Variants in CDH8 observed in about 807,000 individuals in gnomAD.
The protein encoded by CDH8 is cadherin-8.
A neutral mutation model predicts 68.1 loss-of-function variants in CDH8; 17 were observed. That is an observed-to-expected ratio of 0.25 (90% CI 0.17 to 0.37). The LOEUF (loss-of-function observed/expected upper bound fraction) is 0.37. Ranked by LOEUF, CDH8 falls within the 10% of genes least tolerant of loss-of-function variation. The pLI, the probability that CDH8 is intolerant of heterozygous loss-of-function variation, is 1.00. For synonymous variants in CDH8, 372 were observed against 365.1 expected (o/e 1.02, Z -0.21); for missense variants, 763 against 999.3 (o/e 0.76, Z 3.19).
intron 2 of CDH8, among the ~76,000 whole-genome samples, chr16:61,950,777 C>A (rs1478639334): frequency 6.6e-6 from 1 of 152,098 alleles, no homozygotes; most frequent in African/African-American, 2.4e-5. Context: ...TTACCCTTTG[C>A]AAACTAATGC....
intron 10 of CDH8, among the ~76,000 whole-genome samples, chr16:61,670,523 A>G (rs2142777190): frequency 6.6e-6 from 1 of 152,146 alleles, no homozygotes; most frequent in Admixed American, 6.6e-5. Flanking sequence ...TTATTACACT[A>G]ATTTTTAAAA....
At chr16:61,657,100 C>G (rs1963463307) in intron 10 of CDH8, among the ~76,000 whole-genome samples, 4 of 151,366 alleles carry the variant, frequency 2.6e-5, no homozygotes, top group African/African-American at 9.7e-5. Context: ...CCCCCGAACA[C>G]AGGGCTACCT....
intron 2 of CDH8, chr16:61,934,214 C>G (rs976653431): frequency 6.6e-6 from 1 of 152,084 alleles, no homozygotes. Flanking sequence ...CACGAGGCTG[C>G]TTGGGAAAGG....
At chr16:61,853,494 G>C (rs1046088960) in intron 4 of CDH8, among the ~76,000 whole-genome samples, 2 of 152,066 alleles carry the variant, frequency 1.3e-5, no homozygotes, top group Admixed American at 1.3e-4. Context: ...TCACAATATC[G>C]ATCATTTTAG....
At chr16:61,814,321 A>G (rs1465390744) in intron 7 of CDH8, among the ~76,000 whole-genome samples, 1 of 152,234 alleles carries the variant, frequency 6.6e-6, no homozygotes, top group Admixed American at 6.5e-5. Context: ...TATTGCAGAA[A>G]GTAGCAAGGA....
intron 9 of CDH8, among the ~76,000 whole-genome samples, chr16:61,717,998 T>C (rs1964763126): frequency 6.6e-6 from 1 of 151,444 alleles, no homozygotes; most frequent in South Asian, 2.1e-4. Context: ...CATGTGTGTA[T>C]GTACATGTGG....
Position 62,016,954 on chromosome 16 carries a change from G to A in CDH8, c.252+4198C>T, listed in dbSNP as rs1411644964. On this transcript the variant is annotated intron_variant, in intron 2 of 11. Coordinates refer to ENST00000577390, the MANE Select transcript of CDH8 (RefSeq NM_001796.5). ...CTTCATGCCCACTACCTCAAAGAAA[G>A]ACTTTCAAAATCAATACATAAAAAA... Among the ~76,000 whole-genome samples the A allele has an allele frequency of 2.0e-5, 3 of 152,088 alleles. No individual in the cohort carries two copies. The East Asian group carries it at 5.8e-4, about 29-fold the overall frequency.
At chr16:61,860,790 T>C (rs1453242111) in intron 3 of CDH8, among the ~76,000 whole-genome samples, 1 of 152,202 alleles carries the variant, frequency 6.6e-6, no homozygotes, top group African/African-American at 2.4e-5. Flanking sequence ...TGGGTGACTC[T>C]TAAATTAGGA....
chr16:61,826,076 C>G (rs377249024), intron 4 of CDH8, among the ~76,000 whole-genome samples: 1 of 151,632 alleles, frequency 6.6e-6, no homozygotes. Flanking sequence ...CATTTTGAGG[C>G]GCAAAATTAT....
intron 9 of CDH8, among the ~76,000 whole-genome samples, chr16:61,715,646 A>G (rs1334328356): frequency 6.6e-6 from 1 of 151,636 alleles, no homozygotes; most frequent in African/African-American, 2.4e-5. Flanking sequence ...CTGTTACTCA[A>G]TGACCCAACA....
At chr16:61,874,343 G>GT (rs1963423047) in intron 3 of CDH8, among the ~76,000 whole-genome samples, 1 of 151,598 alleles carries the variant, frequency 6.6e-6, no homozygotes, top group East Asian at 1.9e-4. Flanking sequence ...TCGTTTTTTT[G>GT]TTTTTTGAGA....
Position 61,941,646 on chromosome 16 carries a change from T to C in CDH8, c.253-40173A>G, listed in dbSNP as rs1300007872. Reference sequence around the variant, plus strand: ...TAGTAGAGACAGGGTTTCACTGTGTTGATCAGGCTGGTCTTGAATTCCTAA... The same window carrying C: ...TAGTAGAGACAGGGTTTCACTGTGTCGATCAGGCTGGTCTTGAATTCCTAA... On this transcript the variant is annotated intron_variant, in intron 2 of 11. Transcript: ENST00000577390. Among the ~76,000 whole-genome samples the C allele has an allele frequency of 2.0e-5, 3 of 152,252 alleles. No homozygotes were observed. In the East Asian group the frequency reaches 5.8e-4, roughly 29 times the overall value.
intron 10 of CDH8, among the ~76,000 whole-genome samples, chr16:61,660,151 A>T (rs4360927): frequency 0.14 from 20,638 of 152,092 alleles, 1,552 homozygotes; most frequent in African/African-American, 0.2. Flanking sequence ...GTCATTAAAC[A>T]AATAAGCAAA....
intron 2 of CDH8, among the ~76,000 whole-genome samples, chr16:61,993,143 A>G (rs772614940): frequency 1.8e-4 from 27 of 152,190 alleles, no homozygotes; most frequent in Admixed American, 6.5e-4. Flanking sequence ...AAATTTTTCT[A>G]TGTATAAAGT....
chr16:62,007,362 T>A (rs887818734), intron 2 of CDH8, among the ~76,000 whole-genome samples: 6 of 152,248 alleles, frequency 3.9e-5, no homozygotes, highest in African/African-American at 1.4e-4. Flanking sequence ...TATTAAATTA[T>A]TATGTTTCAC....
chr16:61,736,711 CTAAAT>C (rs1267304363), intron 8 of CDH8, among the ~76,000 whole-genome samples: 1 of 152,014 alleles, frequency 6.6e-6, no homozygotes, highest in Non-Finnish European at 1.5e-5. Flanking sequence ...TCACTTGTAT[CTAAAT>C]TAATGAAATG....
At chr16:61,827,729 A>G (rs1043909913) in intron 4 of CDH8, among the ~76,000 whole-genome samples, 11 of 151,830 alleles carry the variant, frequency 7.2e-5, no homozygotes, top group African/African-American at 2.7e-4. Flanking sequence ...ACCCTCCCCC[A>G]TTGAGGTAAG....
chr16:61,705,236 A>G (rs1415494191), intron 10 of CDH8, among the ~76,000 whole-genome samples: 1 of 152,194 alleles, frequency 6.6e-6, no homozygotes, highest in African/African-American at 2.4e-5. Context: ...GATCAGAACA[A>G]TAGTATTCTC....
At chr16:61,691,700 T>A (rs1964226674) in intron 10 of CDH8, 1 of 151,784 alleles carries the variant, frequency 6.6e-6, no homozygotes, top group Non-Finnish European at 1.5e-5. Flanking sequence ...TCACTCTTGT[T>A]AAATGTACCT....
Sources: gnomAD v4.1 joint callset for allele counts (sites outside exome capture counted in the v4.1 genomes callset) on GRCh38, gnomAD v4.1.1 for gene constraint, MANE v1.5 for transcripts, NCBI Gene and HGNC (gene_info 2026-07-23, HGNC 2026-07-21) for gene names.